The following COL19A1 variants were observed in gnomAD, a reference collection of about 807,000 sequenced individuals.
The protein encoded by COL19A1 is collagen type XIX alpha 1 chain, also known as collagen alpha-1(XIX) chain.
Under a neutral mutation model 190.2 loss-of-function variants are expected in COL19A1, and 159 were observed. The ratio of observed to expected loss-of-function variants is 0.84; its 90% CI spans 0.73 to 0.95. COL19A1 has a LOEUF of 0.95. Ranked by LOEUF, COL19A1 falls within the 40% of genes least tolerant of loss-of-function variation. The pLI, the probability that COL19A1 is intolerant of heterozygous loss-of-function variation, is 0.00. For missense variants in COL19A1, 1,418 were observed against 1,431.9 expected (o/e 0.99, Z 0.16); for synonymous variants, 509 against 458.9 (o/e 1.11, Z -1.39).
At chr6:70,009,478 G>GA (rs1232195417) in intron 11 of COL19A1, among the ~76,000 whole-genome samples, 3 of 152,038 alleles carry the variant, frequency 2.0e-5, no homozygotes, top group Non-Finnish European at 2.9e-5. Flanking sequence ...ATGTAGAGTT[G>GA]ATTTGTGGTT....
intron 14 of COL19A1, among the ~76,000 whole-genome samples, chr6:70,062,213 T>C (rs1780878921): frequency 6.6e-6 from 1 of 152,148 alleles, no homozygotes; most frequent in Non-Finnish European, 1.5e-5. Flanking sequence ...TGAGAACTGA[T>C]GACATATGCA....
intron 12 of COL19A1, among the ~76,000 whole-genome samples, chr6:70,030,560 ATAATT>A (rs1299276303): frequency 6.6e-6 from 1 of 152,184 alleles, no homozygotes; most frequent in African/African-American, 2.4e-5. Context: ...TAAGGAGTAT[ATAATT>A]TAGTCTTACA....
chr6:69,967,963 A>G (rs1376529285), intron 11 of COL19A1, among the ~76,000 whole-genome samples: 3 of 152,304 alleles, frequency 2.0e-5, no homozygotes, highest in East Asian at 3.9e-4. Flanking sequence ...GCTACCCACA[A>G]ACTATCTGGG....
chr6:69,897,135 C>A (rs937501033), intron 2 of COL19A1, among the ~76,000 whole-genome samples: 1 of 152,082 alleles, frequency 6.6e-6, no homozygotes, highest in Admixed American at 6.6e-5. Flanking sequence ...CTATGATTAT[C>A]TTTAGTTAGT....
At chr6:69,943,747 A>T (rs1773618142) in intron 9 of COL19A1, among the ~76,000 whole-genome samples, 1 of 152,132 alleles carries the variant, frequency 6.6e-6, no homozygotes, top group Non-Finnish European at 1.5e-5. Context: ...AGTGTGTTCC[A>T]TTGGTCTGTG....
At chr6:70,084,616 C>G (rs1028442277) in intron 15 of COL19A1, among the ~76,000 whole-genome samples, 2 of 152,182 alleles carry the variant, frequency 1.3e-5, no homozygotes. Context: ...TGGAGGCTGC[C>G]TTGATTCATT....
At chr6:69,912,217 CT>C (rs1412263185) in intron 4 of COL19A1, among the ~76,000 whole-genome samples, 3 of 152,256 alleles carry the variant, frequency 2.0e-5, no homozygotes, top group South Asian at 4.1e-4. Flanking sequence ...AAGTTTCCTT[CT>C]TTTTTTGGTG....
chr6:70,078,660 A>G (rs896265816), intron 15 of COL19A1, among the ~76,000 whole-genome samples: 1 of 152,160 alleles, frequency 6.6e-6, no homozygotes, highest in African/African-American at 2.4e-5. Flanking sequence ...CCTGGCACCA[A>G]CTGCACCTGT....
At chr6:69,949,231 C>T (rs1441388406) in intron 9 of COL19A1, among the ~76,000 whole-genome samples, 1 of 151,802 alleles carries the variant, frequency 6.6e-6, no homozygotes, top group Non-Finnish European at 1.5e-5. Context: ...AGAGACCGTA[C>T]TTAGTGGTTA....
chr6:70,144,896 A>G, intron 24 of COL19A1, 22 bp from the exon 25 acceptor site: 1 of 1,482,908 alleles, frequency 6.7e-7, no homozygotes. Flanking sequence ...TCAAAGTAAG[A>G]ATCTTACCTT....
intron 4 of COL19A1, among the ~76,000 whole-genome samples, chr6:69,902,040 G>A (rs1401520065): frequency 2.0e-5 from 3 of 152,220 alleles, no homozygotes; most frequent in Admixed American, 2.0e-4. Context: ...GGTAATCAAT[G>A]TAAGTGAATT....
At chr6:69,943,672 C>T (rs1157264097) in intron 9 of COL19A1, among the ~76,000 whole-genome samples, 3 of 152,052 alleles carry the variant, frequency 2.0e-5, no homozygotes, top group South Asian at 2.1e-4. Context: ...CCTCAATGCA[C>T]GTTCCTGGCA....
chr6:69,966,218 C>A (rs1481059805), intron 11 of COL19A1, among the ~76,000 whole-genome samples: 1 of 152,044 alleles, frequency 6.6e-6, no homozygotes, highest in Admixed American at 6.6e-5. Context: ...CCGGCCGCCC[C>A]GTCTGGGAAG....
At chr6:70,195,559 G>C (rs1449634691) in intron 48 of COL19A1, among the ~76,000 whole-genome samples, 1 of 152,184 alleles carries the variant, frequency 6.6e-6, no homozygotes, top group Non-Finnish European at 1.5e-5. Context: ...CCTCCATGCA[G>C]AGGCAGACTA....
chr6:69,933,515 T>A (rs1215318233), intron 7 of COL19A1, among the ~76,000 whole-genome samples: 1 of 152,048 alleles, frequency 6.6e-6, no homozygotes, highest in Non-Finnish European at 1.5e-5. Flanking sequence ...TTCCCTGCCC[T>A]CTCTTCATGT....
intron 11 of COL19A1, among the ~76,000 whole-genome samples, chr6:69,981,375 T>C (rs1244836361): frequency 6.6e-6 from 1 of 152,124 alleles, no homozygotes; most frequent in African/African-American, 2.4e-5. Flanking sequence ...TAGAATGTGA[T>C]GATGAGGGAG....
chr6:70,193,974 C>A (rs1027635134), intron 48 of COL19A1, among the ~76,000 whole-genome samples: 12 of 152,204 alleles, frequency 7.9e-5, no homozygotes, highest in African/African-American at 2.7e-4. Flanking sequence ...TTAATTTTCA[C>A]ATGTTAAAAC....
intron 44 of COL19A1, among the ~76,000 whole-genome samples, chr6:70,184,487 T>C (rs1489528457): frequency 1.3e-5 from 2 of 151,920 alleles, no homozygotes; most frequent in African/African-American, 4.8e-5. Context: ...GTTAAGTAAA[T>C]TGCCCAAAAA....
At chr6:70,159,869 T>C (rs1030268574) in intron 34 of COL19A1, among the ~76,000 whole-genome samples, 3 of 152,172 alleles carry the variant, frequency 2.0e-5, no homozygotes, top group Non-Finnish European at 4.4e-5. Context: ...TAAAGGAGAC[T>C]AAATCCTGAA....
Sources: allele counts gnomAD v4.1 joint callset (sites outside exome capture counted in the v4.1 genomes callset), GRCh38; gene constraint gnomAD v4.1.1; transcripts MANE v1.5; gene names NCBI Gene and HGNC (gene_info 2026-07-23, HGNC 2026-07-21).